The following AGTPBP1 variants were observed in gnomAD, a reference collection of about 807,000 sequenced individuals.
AGTPBP1 encodes ATP/GTP binding carboxypeptidase 1.
In AGTPBP1, 70 loss-of-function variants were observed where a neutral mutation model predicts 143.9. The ratio of observed to expected loss-of-function variants is 0.49; its 90% CI spans 0.40 to 0.59. The LOEUF is 0.59. Among genes scored for constraint, AGTPBP1 ranks in the 20% least tolerant of loss-of-function variants. AGTPBP1 has a pLI of 0.00. For missense variants in AGTPBP1, 1,229 were observed against 1,464.5 expected (o/e 0.84, Z 2.62); for synonymous variants, 463 against 500.2 (o/e 0.93, Z 0.99).
chr9:85,787,581 A>G, the AGTPBP1 span, among the ~76,000 whole-genome samples: 1 of 152,114 alleles, frequency 6.6e-6, no homozygotes, highest in Non-Finnish European at 1.5e-5. Flanking sequence ...AAATTTTACT[A>G]TATAATGTAC....
the AGTPBP1 span, among the ~76,000 whole-genome samples, chr9:85,775,055 C>A: frequency 6.6e-6 from 1 of 152,176 alleles, no homozygotes; most frequent in South Asian, 2.1e-4. Context: ...GTAATCCCAG[C>A]ACTTTGGGAG....
At chr9:85,797,528 T>C in the AGTPBP1 span, among the ~76,000 whole-genome samples, 2 of 152,200 alleles carry the variant, frequency 1.3e-5, no homozygotes, top group African/African-American at 4.8e-5. Context: ...TTTTATTTTC[T>C]TGGAGATATC....
chr9:85,772,994 A>G, the AGTPBP1 span, among the ~76,000 whole-genome samples: 1 of 151,884 alleles, frequency 6.6e-6, no homozygotes, highest in Non-Finnish European at 1.5e-5. Context: ...GGCTGGGCAC[A>G]GTGGCTCACG....
chr9:85,687,213 T>G lies in AGTPBP1; in HGVS notation c.157+5476A>C, dbSNP rs550028251. On this transcript the variant is annotated intron_variant, in intron 3 of 25. Transcript: ENST00000357081. Reference sequence around the variant, plus strand: ...AAACAACTATAAATGTATACACAGCTAAGAACAGGGCCTCAAAACACATTA... The same window carrying G: ...AAACAACTATAAATGTATACACAGCGAAGAACAGGGCCTCAAAACACATTA... 1.1e-4 allele frequency among the ~76,000 whole-genome samples: 17 copies of G among 152,244 alleles called. No homozygotes were observed. In the South Asian group the frequency reaches 3.5e-3, roughly 32 times the overall value.
At chr9:85,572,391 T>C (rs13291690) in intron 25 of AGTPBP1, among the ~76,000 whole-genome samples, 53,447 of 151,848 alleles carry the variant, frequency 0.35, 10,417 homozygotes, top group Middle Eastern at 0.45. Context: ...ACCTTTTTTG[T>C]GCCACAGTCC....
At chr9:85,640,276 A>T (rs1832378800) in intron 13 of AGTPBP1, among the ~76,000 whole-genome samples, 1 of 152,228 alleles carries the variant, frequency 6.6e-6, no homozygotes, top group Non-Finnish European at 1.5e-5. Flanking sequence ...GTATCAAATA[A>T]TGCATTCCTT....
intron 14 of AGTPBP1, among the ~76,000 whole-genome samples, chr9:85,625,579 G>T (rs1222115985): frequency 1.3e-5 from 2 of 151,642 alleles, no homozygotes; most frequent in African/African-American, 4.8e-5. Flanking sequence ...ATAATAAAAC[G>T]TTTTTAAAAA....
intron 1 of AGTPBP1, among the ~76,000 whole-genome samples, chr9:85,722,358 T>C (rs1308533673): frequency 6.6e-6 from 1 of 152,232 alleles, no homozygotes; most frequent in Non-Finnish European, 1.5e-5. Flanking sequence ...TCTTGGAGGC[T>C]TTCTTCGTTT....
At chr9:85,600,591 G>A (rs1051288989) in intron 17 of AGTPBP1, among the ~76,000 whole-genome samples, 1 of 152,202 alleles carries the variant, frequency 6.6e-6, no homozygotes, top group East Asian at 1.9e-4. Context: ...CAGGAAAAGG[G>A]TAAGTGAGAT....
At chr9:85,661,056 A>G (rs1481518886) in intron 8 of AGTPBP1, 83 bp from the exon 9 acceptor site, 10 of 1,177,488 alleles carry the variant, frequency 8.5e-6, no homozygotes, top group South Asian at 6.1e-5. Context: ...ATCTTTTTCA[A>G]TAAGTCATTA....
chr9:85,748,625 G>T, the AGTPBP1 span, among the ~76,000 whole-genome samples: 2,436 of 152,204 alleles, frequency 0.016, 26 homozygotes, highest in Middle Eastern at 0.037. Context: ...ATATCAGTTG[G>T]GTGTGCTAGA....
intron 11 of AGTPBP1, among the ~76,000 whole-genome samples, chr9:85,648,030 G>A (rs1832922953): frequency 1.3e-5 from 2 of 152,096 alleles, no homozygotes; most frequent in Non-Finnish European, 1.5e-5. Context: ...AACAGGAAAA[G>A]AAAAAAATTC....
At chr9:85,673,044 G>T (rs1415487533) in intron 6 of AGTPBP1, among the ~76,000 whole-genome samples, 1 of 151,994 alleles carries the variant, frequency 6.6e-6, no homozygotes, top group Non-Finnish European at 1.5e-5. Context: ...CCACATGTAA[G>T]TTTTGAATGA....
chr9:85,741,164 A>C, intron 1 of AGTPBP1: 1 of 967,674 alleles, frequency 1.0e-6, no homozygotes, highest in Non-Finnish European at 1.2e-6. Flanking sequence ...ATTCAGGTTC[A>C]AACCAAACGC....
chr9:85,563,418 C>T lies in AGTPBP1; in HGVS notation c.3503+11897G>A, dbSNP rs148188203. On this transcript the variant is annotated intron_variant, in intron 25 of 25. Transcript: ENST00000357081. ...TCCTGATAGAATGTTGGTAGAAATA[C>T]GACAGTAAAGGCCATTCTGATGAGG... 1.8e-3 allele frequency among the ~76,000 whole-genome samples: 270 copies of T among 152,150 alleles called. 1 individual carries two copies. Among genetic ancestry groups the T allele is most frequent in the African/African-American group, 5.1e-3 (210 of 41,500 alleles).
rs1008149817 is a variant in AGTPBP1, at chr9:85,670,808, G to A, written c.569-1230C>T. Among the ~76,000 whole-genome samples the A allele has an allele frequency of 5.3e-5, 8 of 152,084 alleles. No individual in the cohort carries two copies. In the South Asian group the frequency reaches 8.3e-4, roughly 16 times the overall value. On this transcript the variant is annotated intron_variant, in intron 7 of 25. Coordinates refer to ENST00000357081, the MANE Select transcript of AGTPBP1 (RefSeq NM_001330701.2). Reference sequence around the variant, plus strand: ...CCAAAAATGTAGCTCCTAATATTTCGTAGGATGATCTTAATTTTCTCTGTT... The same window carrying A: ...CCAAAAATGTAGCTCCTAATATTTCATAGGATGATCTTAATTTTCTCTGTT...
chr9:85,654,026 A>T (rs1833334037), intron 11 of AGTPBP1, among the ~76,000 whole-genome samples: 1 of 152,200 alleles, frequency 6.6e-6, no homozygotes, highest in Admixed American at 6.5e-5. Flanking sequence ...TACATATTTT[A>T]AAAATAAAAT....
At chr9:85,598,023 C>T (rs1374120517) in intron 17 of AGTPBP1, among the ~76,000 whole-genome samples, 1 of 151,982 alleles carries the variant, frequency 6.6e-6, no homozygotes, top group Non-Finnish European at 1.5e-5. Context: ...ATAAAAGCAC[C>T]ATCTATTTTT....
chr9:85,732,006 T>C (rs1031822942), intron 1 of AGTPBP1, among the ~76,000 whole-genome samples: 1 of 152,166 alleles, frequency 6.6e-6, no homozygotes, highest in Non-Finnish European at 1.5e-5. Flanking sequence ...TATCAATAAA[T>C]GAGGTAGGTT....
Sources: allele counts gnomAD v4.1 joint callset (sites outside exome capture counted in the v4.1 genomes callset), GRCh38; gene constraint gnomAD v4.1.1; transcripts MANE v1.5; gene names NCBI Gene and HGNC (gene_info 2026-07-23, HGNC 2026-07-21).